Variants in NFIB observed in about 807,000 individuals in gnomAD.
The protein encoded by NFIB is nuclear factor 1 B-type.
A neutral mutation model predicts 61.5 loss-of-function variants in NFIB; 11 were observed. The observed-to-expected ratio is 0.18, with a 90% CI of 0.11 to 0.30. The LOEUF (loss-of-function observed/expected upper bound fraction) is 0.30. Ranked by LOEUF, NFIB falls within the 10% of genes least tolerant of loss-of-function variation. The probability of loss-of-function intolerance (pLI) is 1.00; values close to 1 mark genes in which losing one functional copy is unlikely to be tolerated. For synonymous variants in NFIB, 260 were observed against 216.5 expected, an observed-to-expected ratio of 1.20 and a Z score of -1.76; for missense variants, 471 against 608.9, an observed-to-expected ratio of 0.77 and a Z score of 2.38.
chr9:14,402,489 ATGT>A (rs1327878904), upstream of NFIB, among the ~76,000 whole-genome samples: 12 of 152,146 alleles, frequency 7.9e-5, no homozygotes, highest in African/African-American at 2.9e-4. Flanking sequence ...GTAGTCATTA[ATGT>A]TGTAATGGGA....
At chr9:14,260,796 T>C (rs1471960164) in intron 2 of NFIB, among the ~76,000 whole-genome samples, 2 of 152,232 alleles carry the variant, frequency 1.3e-5, no homozygotes, top group African/African-American at 4.8e-5. Flanking sequence ...AGCATGCTTA[T>C]TGGCCTATAT....
the NFIB span, among the ~76,000 whole-genome samples, chr9:14,465,642 C>T: frequency 6.6e-6 from 1 of 151,604 alleles, no homozygotes; most frequent in Non-Finnish European, 1.5e-5. Context: ...CCCTTCTTGG[C>T]TGTCATAGTG....
the NFIB span, among the ~76,000 whole-genome samples, chr9:14,518,412 A>G: frequency 6.6e-6 from 1 of 151,284 alleles, no homozygotes; most frequent in African/African-American, 2.4e-5. Flanking sequence ...TTATAGGCCC[A>G]TTGCTGGTAA....
At chr9:14,205,422 C>T (rs1434180669) in intron 2 of NFIB, among the ~76,000 whole-genome samples, 2 of 151,346 alleles carry the variant, frequency 1.3e-5, no homozygotes, top group Non-Finnish European at 2.9e-5. Flanking sequence ...TTCATAAGTA[C>T]ACCTTCATAA....
chr9:14,492,839 G>A, the NFIB span, among the ~76,000 whole-genome samples: 1 of 152,230 alleles, frequency 6.6e-6, no homozygotes, highest in Non-Finnish European at 1.5e-5. Flanking sequence ...GGGCCATGAT[G>A]TGAGAGGGGG....
At chr9:14,286,130 G>T (rs906301532) in intron 2 of NFIB, among the ~76,000 whole-genome samples, 1 of 152,116 alleles carries the variant, frequency 6.6e-6, no homozygotes, top group Non-Finnish European at 1.5e-5. Flanking sequence ...CTGAGGAATT[G>T]GAGAAATTAT....
At chr9:14,341,972 A>T (rs557794788) in intron 1 of NFIB, among the ~76,000 whole-genome samples, 76 of 151,620 alleles carry the variant, frequency 5.0e-4, no homozygotes, top group African/African-American at 1.8e-3. Flanking sequence ...CATTTTGACA[A>T]GGTCAAAATA....
chr9:14,415,248 G>T, the NFIB span, among the ~76,000 whole-genome samples: 1 of 152,186 alleles, frequency 6.6e-6, no homozygotes, highest in Non-Finnish European at 1.5e-5. Context: ...CACCATGGTT[G>T]CTTGCCACAT....
At chr9:14,297,673 A>C (rs1229099684) in intron 2 of NFIB, among the ~76,000 whole-genome samples, 1 of 152,256 alleles carries the variant, frequency 6.6e-6, no homozygotes, top group Non-Finnish European at 1.5e-5. Flanking sequence ...ACACATGTAT[A>C]AACAGTACGC....
the NFIB span, among the ~76,000 whole-genome samples, chr9:14,511,164 T>C: frequency 3.0e-4 from 45 of 152,314 alleles, no homozygotes; most frequent in African/African-American, 1.0e-3. Flanking sequence ...TTTCCAGTAC[T>C]AGGAATCATG....
the NFIB span, among the ~76,000 whole-genome samples, chr9:14,531,624 C>T: frequency 1.3e-5 from 2 of 151,992 alleles, no homozygotes; most frequent in African/African-American, 2.4e-5. Flanking sequence ...CTACTGACTG[C>T]CCCACCTCCA....
chr9:14,487,806 C>T, the NFIB span, among the ~76,000 whole-genome samples: 1,791 of 152,316 alleles, frequency 0.012, 16 homozygotes, highest in Middle Eastern at 0.048. Flanking sequence ...TTTGAATTTT[C>T]ATTCACAGAC....
chr9:14,208,902 C>T (rs1396721345), intron 2 of NFIB, among the ~76,000 whole-genome samples: 2 of 151,982 alleles, frequency 1.3e-5, no homozygotes, highest in Non-Finnish European at 2.9e-5. Context: ...TATTTCTGCC[C>T]TCATCTCTTC....
intron 1 of NFIB, among the ~76,000 whole-genome samples, chr9:14,325,783 A>G (rs1372997855): frequency 6.6e-6 from 1 of 152,112 alleles, no homozygotes; most frequent in East Asian, 1.9e-4. Context: ...TGCAATACTA[A>G]ATAAAACATA....
At chr9:14,298,884 A>T (rs1171002929) in intron 2 of NFIB, among the ~76,000 whole-genome samples, 1 of 152,200 alleles carries the variant, frequency 6.6e-6, no homozygotes, top group South Asian at 2.1e-4. Flanking sequence ...TAAACCTAAC[A>T]AGGCAAGTTG....
intron 4 of NFIB, among the ~76,000 whole-genome samples, chr9:14,154,317 A>C (rs1165975300): frequency 6.6e-6 from 1 of 152,100 alleles, no homozygotes; most frequent in Non-Finnish European, 1.5e-5. Context: ...GAGAAGTACA[A>C]ATTTAAGCAA....
chr9:14,114,897 A>G (rs548319557), intron 9 of NFIB, among the ~76,000 whole-genome samples: 1 of 152,342 alleles, frequency 6.6e-6, no homozygotes, highest in South Asian at 2.1e-4. Flanking sequence ...AGATGTGAAG[A>G]CATCCACTTT....
At position 14,125,648 on chromosome 9, in the gene NFIB, A is replaced by C. The variant is rs1300610904; in HGVS notation, c.1044T>G (p.Pro348=). ...ACTCCTCACCACTGTGTGCAACTCC[A>C]GGTATTCCGGGATGGTGGTGCTGGG... ...TFPQHHHPGI[P]GVAHSVISTR... Residue 348 remains proline (P), a synonymous_variant, in exon 7 of 11, where the codon CCT becomes CCG. Coordinates refer to ENST00000380953, the MANE Select transcript of NFIB (RefSeq NM_001190737.2). The C allele has an allele frequency of 1.2e-6, 2 of 1,614,080 alleles. No homozygotes were observed. Among genetic ancestry groups the C allele is most frequent in the Non-Finnish European group, 1.7e-6 (2 of 1,179,962 alleles).
chr9:14,469,294 T>C, the NFIB span, among the ~76,000 whole-genome samples: 1 of 152,214 alleles, frequency 6.6e-6, no homozygotes, highest in Non-Finnish European at 1.5e-5. Flanking sequence ...ACTGTGAAGA[T>C]GACATGGGAT....
Sources: gnomAD v4.1 joint callset for allele counts (sites outside exome capture counted in the v4.1 genomes callset) on GRCh38, gnomAD v4.1.1 for gene constraint, MANE v1.5 for transcripts, NCBI Gene and HGNC (gene_info 2026-07-23, HGNC 2026-07-21) for gene names.